FGFR2: variants seen among roughly 807,000 people sequenced by gnomAD.
The protein encoded by FGFR2 is BEK fibroblast growth factor receptor.
In FGFR2, 19 loss-of-function variants were observed where a neutral mutation model predicts 95.9. That is an observed-to-expected ratio of 0.20 (90% CI 0.14 to 0.29). The LOEUF is 0.29. FGFR2 is among the 10% of genes least tolerant of loss of function. The pLI is 1.00. For synonymous variants in FGFR2, 392 were observed against 393.3 expected (o/e 1.00, Z 0.04); for missense variants, 707 against 1,056.9 (o/e 0.67, Z 4.59).
chr10:121,507,166 C>T (rs779404012), intron 9 of FGFR2, among the ~76,000 whole-genome samples: 2 of 152,204 alleles, frequency 1.3e-5, no homozygotes, highest in Non-Finnish European at 2.9e-5. Context: ...GCATCCTGAC[C>T]AACTGCAATA....
chr10:121,487,939 A>T, intron 14 of FGFR2, 52 bp downstream of exon 14: 1 of 1,612,562 alleles, frequency 6.2e-7, no homozygotes, highest in South Asian at 1.1e-5. Flanking sequence ...TTCCTGGAAC[A>T]TTCTGAGCCT....
At chr10:121,526,283 A>C in intron 6 of FGFR2, 2 of 398,464 alleles carry the variant, frequency 5.0e-6, no homozygotes, top group Non-Finnish European at 4.4e-6. Context: ...CTTTTTTCTA[A>C]AGAGTAGGCG....
intron 13 of FGFR2, among the ~76,000 whole-genome samples, chr10:121,494,512 C>G (rs1011542640): frequency 1.1e-4 from 16 of 152,260 alleles, no homozygotes; most frequent in African/African-American, 3.8e-4. Flanking sequence ...ACAGGTAGGG[C>G]AGGGAGTGAT....
rs761969068 is a variant in FGFR2 at position 121,518,850 on chromosome 10, C to A, written c.939+1129G>T. 34 of 1,613,780 alleles carry A rather than the reference C, an allele frequency of 2.1e-5. 2 individuals carry two copies. The South Asian group carries it at 3.6e-4, about 17-fold the overall frequency. On this transcript the variant is annotated intron_variant, in intron 7 of 17. Coordinates refer to ENST00000358487, the MANE Select transcript of FGFR2 (RefSeq NM_000141.5). The surrounding 1 kb of genome is among the most constrained non-coding windows in gnomAD (Gnocchi z 4.0). ...GAGTGCTAGAACAGACACAGGAGAA[C>A]AATATAACGGCCAACCAGGAAGGTC...
chr10:121,501,214 C>T (rs938264713), intron 10 of FGFR2, among the ~76,000 whole-genome samples: 1 of 152,076 alleles, frequency 6.6e-6, no homozygotes, highest in African/African-American at 2.4e-5. Context: ...CTTGCTAGTG[C>T]GGTGGTCAGC....
chr10:121,522,880 G>A (rs1007479092), intron 6 of FGFR2, among the ~76,000 whole-genome samples: 17 of 152,174 alleles, frequency 1.1e-4, no homozygotes, highest in African/African-American at 3.9e-4. Flanking sequence ...GGAGAACTCA[G>A]CCAGCTCAGC....
intron 6 of FGFR2, among the ~76,000 whole-genome samples, chr10:121,521,896 T>A (rs941172389): frequency 3.9e-5 from 6 of 152,162 alleles, no homozygotes; most frequent in African/African-American, 1.4e-4. Flanking sequence ...ATGGAATCAA[T>A]CTAAGTGTCT....
At chr10:121,506,604 G>C (rs1334987248) in intron 9 of FGFR2, among the ~76,000 whole-genome samples, 2 of 152,136 alleles carry the variant, frequency 1.3e-5, no homozygotes. Context: ...CAGAGGCAGA[G>C]GCATGGCTGG....
intron 4 of FGFR2, among the ~76,000 whole-genome samples, chr10:121,552,594 A>G (rs1304698771): frequency 6.6e-6 from 1 of 152,220 alleles, no homozygotes; most frequent in Non-Finnish European, 1.5e-5. Flanking sequence ...ACTGCTAAGA[A>G]GATGCAGCTT....
intron 9 of FGFR2, among the ~76,000 whole-genome samples, chr10:121,510,441 C>T (rs947251700): frequency 6.6e-6 from 1 of 152,186 alleles, no homozygotes; most frequent in African/African-American, 2.4e-5. Context: ...TTAAGTCATC[C>T]GTGACCACTC....
At chr10:121,572,782 T>C (rs778710678) in intron 2 of FGFR2, among the ~76,000 whole-genome samples, 1 of 152,188 alleles carries the variant, frequency 6.6e-6, no homozygotes, top group Non-Finnish European at 1.5e-5. Flanking sequence ...AGAGAGAAAC[T>C]GAGGCAGGGG....
chr10:121,486,120 C>CT (rs1845372840), intron 15 of FGFR2, among the ~76,000 whole-genome samples: 1 of 152,200 alleles, frequency 6.6e-6, no homozygotes, highest in African/African-American at 2.4e-5. Flanking sequence ...ACACTTGACT[C>CT]TTCAGAGATT....
At chr10:121,527,931 C>G (rs899399786) in intron 6 of FGFR2, 2 of 152,318 alleles carry the variant, frequency 1.3e-5, no homozygotes, top group African/African-American at 2.4e-5. Flanking sequence ...CAACATCTTT[C>G]AGGAATGCAA....
rs2134250396 is a variant in FGFR2 at position 121,517,164 on chromosome 10, G to A, written c.1084+155C>T. ...GATCTCACTGTGTGTGAATTTCCAA[G>A]GCAGTTTTCTTATCCCTGAGGGATC... On this transcript the variant is annotated intron_variant, in intron 8 of 17. Coordinates refer to ENST00000358487, the MANE Select transcript of FGFR2 (RefSeq NM_000141.5). The surrounding 1 kb of genome is among the most constrained non-coding windows in gnomAD (Gnocchi z 4.7). The A allele has an allele frequency of 1.2e-6, 1 of 806,264 alleles. No homozygotes were observed. The highest frequency in any genetic ancestry group is 2.1e-6 in the Non-Finnish European group (1 of 484,504). The allele number at this position is 806,264 out of a possible 1,614,324, so 49.9% of individuals were successfully genotyped here. A position where few individuals can be genotyped will look rare whatever the true frequency, so the allele number is the denominator to read the frequency against.
chr10:121,519,929 C>T (rs745452213), intron 7 of FGFR2, 50 bp downstream of exon 7: 23 of 1,584,986 alleles, frequency 1.5e-5, no homozygotes, highest in Non-Finnish European at 2.0e-5. Flanking sequence ...TGGCCAAACC[C>T]ATGAAGGAGA....
chr10:121,524,582 C>T lies in FGFR2; in HGVS notation c.749-4413G>A, dbSNP rs543776219. Among the ~76,000 whole-genome samples, 15 of 152,324 alleles carry T rather than the reference C, an allele frequency of 9.8e-5. No homozygotes were observed. In the South Asian group the frequency reaches 1.9e-3, roughly 19 times the overall value. On this transcript the variant is annotated intron_variant, in intron 6 of 17. Transcript: ENST00000358487. The stretch of plus-strand genomic sequence containing the variant: ...CTGCCGAACGCTGCGCTCCTCCTCT[C>T]GAACCCTTCAGCGATCCACCACCCC...
At position 121,540,524 on chromosome 10, in the gene FGFR2, C is replaced by T. The variant is rs952037916; in HGVS notation, c.625-1809G>A. Among the ~76,000 whole-genome samples, 8 of 152,156 alleles carry T rather than the reference C, an allele frequency of 5.3e-5. No individual in the cohort carries two copies. The South Asian group carries it at 1.2e-3, about 24-fold the overall frequency. ...AATCCTGGATCCCTGGGTGCTACAA[C>T]GGCATCGTTATGCTAAGAGCATGGG... On this transcript the variant is annotated intron_variant, in intron 5 of 17. Transcript: ENST00000358487.
At chr10:121,566,673 C>T (rs184656646) in intron 2 of FGFR2, among the ~76,000 whole-genome samples, 64 of 152,296 alleles carry the variant, frequency 4.2e-4, no homozygotes, top group Admixed American at 7.2e-4. Context: ...CTCCACCATA[C>T]ACCTGCCCAC....
intron 6 of FGFR2, chr10:121,526,103 C>G (rs959274826): frequency 3.0e-5 from 12 of 398,178 alleles, no homozygotes; most frequent in Admixed American, 2.2e-4. Context: ...ATGTAAGGAG[C>G]GTGGATAACC....
Sources: allele counts gnomAD v4.1 joint callset (sites outside exome capture counted in the v4.1 genomes callset), GRCh38; gene constraint gnomAD v4.1.1; non-coding constraint Gnocchi (gnomAD v3.1); transcripts MANE v1.5; gene names NCBI Gene and HGNC (gene_info 2026-07-23, HGNC 2026-07-21).